Variants in RIMS2 observed in about 807,000 individuals in gnomAD.
RIMS2 encodes regulating synaptic membrane exocytosis 2.
In RIMS2, 59 loss-of-function variants were observed where a neutral mutation model predicts 174.4. The observed-to-expected ratio is 0.34, with a 90% confidence interval of 0.27 to 0.42. The LOEUF is 0.42. Among genes scored for constraint, RIMS2 ranks in the 10% least tolerant of loss-of-function variants. The probability of loss-of-function intolerance (pLI) is 1.00; values close to 1 mark genes in which losing one functional copy is unlikely to be tolerated. For synonymous variants in RIMS2, 606 were observed against 572.5 expected (o/e 1.06, Z -0.84); for missense variants, 1,620 against 1,666.3 (o/e 0.97, Z 0.48).
At chr8:103,899,184 G>A (rs2099312403) in intron 4 of RIMS2, among the ~76,000 whole-genome samples, 1 of 151,700 alleles carries the variant, frequency 6.6e-6, no homozygotes, top group African/African-American at 2.4e-5. Context: ...ATAAACATAT[G>A]TGTGCATGTG....
chr8:103,549,953 A>G (rs949607561), intron 1 of RIMS2, among the ~76,000 whole-genome samples: 12 of 152,318 alleles, frequency 7.9e-5, no homozygotes, highest in African/African-American at 2.9e-4. Context: ...CAGATTCATA[A>G]AGCAAGTTCT....
intron 2 of RIMS2, among the ~76,000 whole-genome samples, chr8:103,746,143 T>A (rs1317546082): frequency 6.6e-6 from 1 of 152,186 alleles, no homozygotes; most frequent in East Asian, 1.9e-4. Flanking sequence ...GAGTTAGGGG[T>A]CCAACTTCAC....
chr8:104,241,166 A>G (rs866610343), intron 19 of RIMS2, among the ~76,000 whole-genome samples: 10 of 152,128 alleles, frequency 6.6e-5, no homozygotes, highest in African/African-American at 2.4e-4. Context: ...GCACAGTAAA[A>G]TCTCCATAGA....
At chr8:104,198,511 A>G (rs1027949370) in intron 19 of RIMS2, among the ~76,000 whole-genome samples, 2 of 152,222 alleles carry the variant, frequency 1.3e-5, no homozygotes, top group Admixed American at 1.3e-4. Flanking sequence ...TCAATAACCA[A>G]TGGGTACCCA....
intron 19 of RIMS2, among the ~76,000 whole-genome samples, chr8:104,047,923 G>GT (rs1353310858): frequency 1.3e-5 from 2 of 152,140 alleles, no homozygotes; most frequent in Admixed American, 6.5e-5. Flanking sequence ...CTGCCAGTCA[G>GT]TAGGGATATG....
intron 19 of RIMS2, 99 bp downstream of exon 24, chr8:104,093,742 T>A (rs1458951179): frequency 2.1e-6 from 2 of 941,572 alleles, no homozygotes; most frequent in East Asian, 5.4e-5. Flanking sequence ...CAGGTTAATA[T>A]ATATTTTAAA....
At chr8:104,255,823 G>T (rs1265411576), downstream of RIMS2, 1 of 152,014 alleles carries the variant, frequency 6.6e-6, no homozygotes, top group Non-Finnish European at 1.5e-5. Context: ...TGTGAAATGT[G>T]TATTGAGAAA....
intron 3 of RIMS2, among the ~76,000 whole-genome samples, chr8:103,835,533 T>C (rs180960791): frequency 2.0e-5 from 3 of 152,360 alleles, no homozygotes; most frequent in East Asian, 3.9e-4. Flanking sequence ...TTTGTCTTTT[T>C]GTTATTGAGG....
intron 2 of RIMS2, among the ~76,000 whole-genome samples, chr8:103,754,262 G>A (rs187036936): frequency 7.8e-4 from 119 of 152,274 alleles, no homozygotes; most frequent in African/African-American, 2.6e-3. Context: ...TTAATCCTGA[G>A]TCCTAACTTG....
chr8:103,982,128 A>G (rs1258513871), intron 16 of RIMS2, among the ~76,000 whole-genome samples: 1 of 152,182 alleles, frequency 6.6e-6, no homozygotes, highest in Non-Finnish European at 1.5e-5. Flanking sequence ...GTGAGCAACT[A>G]TATGCCAATA....
At chr8:103,963,999 A>T (rs982834031) in intron 15 of RIMS2, among the ~76,000 whole-genome samples, 1 of 152,096 alleles carries the variant, frequency 6.6e-6, no homozygotes, top group African/African-American at 2.4e-5. Flanking sequence ...TCATGGTTTG[A>T]TAGCTCATTT....
At chr8:103,753,394 C>A (rs1037335459) in intron 2 of RIMS2, among the ~76,000 whole-genome samples, 1 of 152,108 alleles carries the variant, frequency 6.6e-6, no homozygotes, top group Non-Finnish European at 1.5e-5. Context: ...GTCTAAAATT[C>A]TCTTTTTTGG....
intron 2 of RIMS2, among the ~76,000 whole-genome samples, chr8:103,757,610 C>T (rs1316267268): frequency 6.6e-6 from 1 of 152,080 alleles, no homozygotes; most frequent in Middle Eastern, 3.2e-3. Context: ...TGTCTTAATT[C>T]CTGAAACCTA....
At chr8:103,586,173 A>G (rs544496501) in intron 1 of RIMS2, among the ~76,000 whole-genome samples, 3 of 152,194 alleles carry the variant, frequency 2.0e-5, no homozygotes, top group Non-Finnish European at 2.9e-5. Context: ...CTCCACTTTC[A>G]GCATTGGACA....
At chr8:103,734,467 T>G (rs1248843610) in intron 2 of RIMS2, among the ~76,000 whole-genome samples, 1 of 151,846 alleles carries the variant, frequency 6.6e-6, no homozygotes, top group Non-Finnish European at 1.5e-5. Flanking sequence ...GTTCTTTTTT[T>G]TTTTTTAGCA....
In RIMS2 at chr8:103,978,847, G is replaced by A. The variant is rs1045898348; in HGVS notation, c.2927+3341G>A. On this transcript the variant is annotated intron_variant, in intron 16 of 23. Transcript: ENST00000504942. ...TTGAATAATGTCAAATTTATTGTGC[G>A]ACTCAAATATGCTATATTTTGTATA... 5.9e-5 allele frequency among the ~76,000 whole-genome samples: 9 copies of A among 152,082 alleles called. No individual in the cohort carries two copies. The South Asian group carries it at 6.2e-4, about 11-fold the overall frequency.
chr8:103,533,677 A>ACAG (rs57164213), intron 1 of RIMS2, among the ~76,000 whole-genome samples: 1 of 148,242 alleles, frequency 6.7e-6, no homozygotes, highest in Admixed American at 6.8e-5. Context: ...AAAAAAAAAA[A>ACAG]AAAAAGAAAA....
At chr8:103,880,358 T>G (rs2099161305) in intron 3 of RIMS2, 1 of 242,310 alleles carries the variant, frequency 4.1e-6, no homozygotes, top group Non-Finnish European at 7.8e-6. Context: ...TAATCCTCCT[T>G]ACAGGGTACA....
At chr8:103,904,916 GT>G (rs372932899) in intron 4 of RIMS2, among the ~76,000 whole-genome samples, 2 of 151,618 alleles carry the variant, frequency 1.3e-5, no homozygotes, top group African/African-American at 4.8e-5. Flanking sequence ...CTTTTTGTAG[GT>G]TTTTTTGTGT....
Sources: gnomAD v4.1 joint callset for allele counts (sites outside exome capture counted in the v4.1 genomes callset) on GRCh38, gnomAD v4.1.1 for gene constraint, MANE v1.5 for transcripts, NCBI Gene and HGNC (gene_info 2026-07-23, HGNC 2026-07-21) for gene names.